The following SRP9 variants were observed in gnomAD, a reference collection of about 807,000 sequenced individuals.
The protein encoded by SRP9 is signal recognition particle 9 kDa protein.
In SRP9, 2 loss-of-function variants were observed where a neutral mutation model predicts 11.7. The observed-to-expected ratio is 0.17, with a 90% CI of 0.07 to 0.54. The LOEUF (loss-of-function observed/expected upper bound fraction) is 0.54. Ranked by LOEUF, SRP9 falls within the 20% of genes least tolerant of loss-of-function variation. The pLI, the probability that SRP9 is intolerant of heterozygous loss-of-function variation, is 0.94. For synonymous variants in SRP9, 27 were observed against 35.6 expected, an observed-to-expected ratio of 0.76 and a Z score of 0.86; for missense variants, 54 against 108.1, an observed-to-expected ratio of 0.50 and a Z score of 2.22.
rs145736360 is a variant in SRP9, at chr1:225,785,103, C to T, written c.141+1735C>T. On this transcript the variant is annotated intron_variant, in intron 2 of 2. Coordinates refer to ENST00000304786, the MANE Select transcript of SRP9 (RefSeq NM_003133.6). ...AGTGATTTCTATTTAGACGGAGTCTCGCTCTGTTGCAAGGCTGGAGTGCAG... is the reference window on the plus strand; with the variant it reads ...AGTGATTTCTATTTAGACGGAGTCTTGCTCTGTTGCAAGGCTGGAGTGCAG... Among the ~76,000 whole-genome samples, 320 of 151,968 alleles carry T rather than the reference C, an allele frequency of 2.1e-3. 1 individual carries two copies. Among genetic ancestry groups the T allele is most frequent in the Non-Finnish European group, 3.6e-3 (243 of 67,976 alleles).
intron 2 of SRP9, among the ~76,000 whole-genome samples, chr1:225,784,572 C>T (rs1465815795): frequency 6.6e-6 from 1 of 151,814 alleles, no homozygotes; most frequent in African/African-American, 2.4e-5. Context: ...TAAACTAGCT[C>T]TTTCTCATGC....
In SRP9 at chr1:225,789,314, T is replaced by TA. The variant is rs1328352425; in HGVS notation, c.217dup (p.Met73AsnfsTer14). On this transcript the variant is annotated frameshift_variant, in exon 3 of 3. Coordinates refer to ENST00000304786, the MANE Select transcript of SRP9 (RefSeq NM_003133.6). LOFTEE classifies it high-confidence loss of function. ...AATTCCACAGTCAACTAATGCGACT[T>TA]ATGGTAGCCAAGGAAGCCCGCAATG... is the stretch of plus-strand genomic sequence containing the variant. The TA allele has an allele frequency of 6.2e-7, 1 of 1,607,254 alleles. No individual in the cohort carries two copies. The highest frequency in any genetic ancestry group is 8.5e-7 in the Non-Finnish European group (1 of 1,177,708).
At chr1:225,788,665 C>T (rs986359797) in intron 2 of SRP9, among the ~76,000 whole-genome samples, 5 of 152,170 alleles carry the variant, frequency 3.3e-5, no homozygotes, top group Admixed American at 6.5e-5. Context: ...CCGCCTGCCT[C>T]GGCCTCCCAG....
chr1:225,786,786 CT>C, intron 2 of SRP9: 1 of 1,237,062 alleles, frequency 8.1e-7, no homozygotes, highest in South Asian at 1.3e-5. Context: ...AACATGAGTG[CT>C]TACCCTTGGT....
At chr1:225,788,219 A>G (rs1320202727) in intron 2 of SRP9, among the ~76,000 whole-genome samples, 1 of 151,832 alleles carries the variant, frequency 6.6e-6, no homozygotes, top group African/African-American at 2.4e-5. Flanking sequence ...ACATGGAGAA[A>G]CCCCGTCTCT....
At chr1:225,781,260 C>G (rs1257792759) in intron 1 of SRP9, among the ~76,000 whole-genome samples, 1 of 143,106 alleles carries the variant, frequency 7.0e-6, no homozygotes, top group Non-Finnish European at 1.6e-5. Flanking sequence ...TCATTCTGTC[C>G]TTGTGTTTTG....
chr1:225,789,202 T>C (rs1665977244), intron 2 of SRP9, 38 bp from the exon 3 acceptor site: 4 of 1,592,214 alleles, frequency 2.5e-6, no homozygotes, highest in Non-Finnish European at 1.7e-6. Context: ...AGTATCTAGT[T>C]TTATATAGTT....
intron 1 of SRP9, among the ~76,000 whole-genome samples, chr1:225,780,291 G>A (rs1281107023): frequency 6.6e-6 from 1 of 151,390 alleles, no homozygotes; most frequent in Non-Finnish European, 1.5e-5. Context: ...CAAGTAGCTG[G>A]GATTACAGAC....
At chr1:225,779,438 C>G (rs1665752477) in intron 1 of SRP9, among the ~76,000 whole-genome samples, 1 of 152,068 alleles carries the variant, frequency 6.6e-6, no homozygotes, top group African/African-American at 2.4e-5. Flanking sequence ...GCCACTGCGC[C>G]CAGCCCAGGG....
intron 1 of SRP9, among the ~76,000 whole-genome samples, chr1:225,778,684 G>A (rs1045576935): frequency 5.9e-5 from 9 of 152,198 alleles, no homozygotes; most frequent in Non-Finnish European, 1.2e-4. Context: ...TTATTAAAAA[G>A]CAAAGGAGTC....
intron 2 of SRP9, 65 bp from the exon 3 acceptor site, chr1:225,789,175 A>G: frequency 6.4e-7 from 1 of 1,566,454 alleles, no homozygotes; most frequent in East Asian, 2.4e-5. Flanking sequence ...ACCCAATTGT[A>G]TGTTTTCTAC....
At position 225,778,159 on chromosome 1, in the gene SRP9, C is replaced by T. The variant is rs1208759339; in HGVS notation, c.72+147C>T. The T allele has an allele frequency of 4.4e-6, 4 of 916,310 alleles. No individual in the cohort carries two copies. In the African/African-American group the frequency reaches 5.0e-5, roughly 11 times the overall value. 56.8% of individuals were successfully genotyped at this position (916,310 alleles called of 1,614,324 possible). A position where few individuals can be genotyped will look rare whatever the true frequency, so the allele number is the denominator to read the frequency against. ...CTGCCAAGTTAATGTTCTGCTCTCT[C>T]GTCCCCTTCTTCCCTGATCTAGCGG... is the stretch of plus-strand genomic sequence containing the variant. On this transcript the variant is annotated intron_variant, in intron 1 of 2. Transcript: ENST00000304786.
At chr1:225,787,917 TGGGCATG>T (rs1181568321) in intron 2 of SRP9, among the ~76,000 whole-genome samples, 1 of 152,200 alleles carries the variant, frequency 6.6e-6, no homozygotes, top group Admixed American at 6.5e-5. Flanking sequence ...AAAAATCAGT[TGGGCATG>T]ATGAGGTTGA....
Position 225,783,303 on chromosome 1 carries a change from C to T in SRP9, c.76C>T (p.Arg26Cys). Reference protein sequence around the residue: ...KLYLADPMKARVVLKYRHSDG... With the variant: ...KLYLADPMKACVVLKYRHSDG... ...TAAATATGTATTTTTGTTTCAGGCA[C>T]GTGTGGTTCTCAAATATAGGCATTC... Residue 26 changes from arginine (R) to cysteine (C), a missense_variant, in exon 2 of 3, where the codon CGT becomes TGT. Transcript: ENST00000304786. 2 of 1,610,840 alleles carry T rather than the reference C, an allele frequency of 1.2e-6. No homozygotes were observed. Among genetic ancestry groups the T allele is most frequent in the African/African-American group, 1.3e-5 (1 of 74,956 alleles).
In SRP9 at chr1:225,785,623, G is replaced by T. The variant is rs532889732; in HGVS notation, c.141+2255G>T. Among the ~76,000 whole-genome samples, 7 of 149,792 alleles carry T rather than the reference G, an allele frequency of 4.7e-5. No individual in the cohort carries two copies. In the East Asian group the frequency reaches 1.4e-3, roughly 30 times the overall value. ...TCTCGAACTCCTGACCTCGTGATCT[G>T]CCCGCCTTGGCCTCCCAAAGTGTTG... On this transcript the variant is annotated intron_variant, in intron 2 of 2. Coordinates refer to ENST00000304786, the MANE Select transcript of SRP9 (RefSeq NM_003133.6).
At position 225,783,287 on chromosome 1, in the gene SRP9, A is replaced by G. The variant is rs189281088; in HGVS notation, c.73-13A>G. On this transcript the variant is annotated splice_polypyrimidine_tract_variant and intron_variant, in intron 1 of 2. Transcript: ENST00000304786. The stretch of plus-strand genomic sequence containing the variant: ...TTGTCTTCACTGTTTCTAAATATGT[A>G]TTTTTGTTTCAGGCACGTGTGGTTC... The G allele has an allele frequency of 1.4e-5, 22 of 1,602,688 alleles. 1 individual carries two copies. In the Admixed American group the frequency reaches 2.7e-4, roughly 20 times the overall value.
chr1:225,783,530 C>A (rs1006704473), intron 2 of SRP9, among the ~76,000 whole-genome samples, 162 bp downstream of exon 2: 1 of 152,150 alleles, frequency 6.6e-6, no homozygotes, highest in Non-Finnish European at 1.5e-5. Context: ...CTTTTATAGA[C>A]CCTCAGGAAA....
chr1:225,788,005 A>G (rs1665951351), intron 2 of SRP9, among the ~76,000 whole-genome samples: 1 of 152,178 alleles, frequency 6.6e-6, no homozygotes, highest in Admixed American at 6.5e-5. Context: ...ACTCATGTGA[A>G]CCTTTAAGAT....
chr1:225,787,458 T>C (rs1017508198), intron 2 of SRP9, among the ~76,000 whole-genome samples: 1 of 151,974 alleles, frequency 6.6e-6, no homozygotes, highest in Non-Finnish European at 1.5e-5. Flanking sequence ...AACCTGGGAC[T>C]GGGAGGCAGA....
Sources: gnomAD v4.1 joint callset for allele counts (sites outside exome capture counted in the v4.1 genomes callset) on GRCh38, gnomAD v4.1.1 for gene constraint, MANE v1.5 for transcripts, NCBI Gene and HGNC (gene_info 2026-07-23, HGNC 2026-07-21) for gene names.